Variants in ZFY observed in about 807,000 individuals in gnomAD.
The protein encoded by ZFY is zinc finger Y-chromosomal protein.
For missense variants in ZFY, 113 were observed against 170.9 expected, an observed-to-expected ratio of 0.66 and a Z score of 1.89; for synonymous variants, 47 against 55.8, an observed-to-expected ratio of 0.84 and a Z score of 0.71.
intron 1 of ZFY, among the ~76,000 whole-genome samples, chrY:2,946,242 G>C: frequency 3.1e-5 from 1 of 32,416 alleles, no homozygotes; most frequent in African/African-American, 1.2e-4. Context: ...GAGCCACCCT[G>C]GCTGGCCACA....
intron 2 of ZFY, 135 bp downstream of exon 2, chrY:2,954,132 A>C: frequency 8.9e-6 from 1 of 112,008 alleles, no homozygotes; most frequent in African/African-American, 9.6e-5. Context: ...TCTCATAGCC[A>C]ACTCATAATC....
chrY:2,976,936 G>A (rs2051375119), intron 6 of ZFY, 114 bp downstream of exon 6: 1 of 162,383 alleles, frequency 6.2e-6, no homozygotes, highest in African/African-American at 9.4e-5. Context: ...CAGCACTTTG[G>A]GAGGCTGAGG....
chrY:2,939,498 C>A (rs747477477), intron 1 of ZFY, among the ~76,000 whole-genome samples: 2 of 33,620 alleles, frequency 5.9e-5, no homozygotes, highest in Admixed American at 5.5e-4. Flanking sequence ...TTCAGAAACT[C>A]TCTGTGCTTT....
At chrY:2,978,195 C>G in intron 7 of ZFY, 115 bp downstream of exon 7, 1 of 196,313 alleles carries the variant, frequency 5.1e-6, no homozygotes, top group Admixed American at 1.4e-4. Context: ...GAATGGTTTT[C>G]TTGGATAAGA....
rs760385580 is a variant in ZFY at position 2,982,043 on chromosome Y, C to T, written c.*2050C>T. 3 of 33,759 alleles carry T rather than the reference C, an allele frequency of 8.9e-5. No individual in the cohort carries two copies. The East Asian group carries it at 2.3e-3, about 25-fold the overall frequency. 8.4% of individuals were successfully genotyped at this position (33,759 alleles called of 400,897 possible). Reference sequence around the variant, plus strand: ...TTTAAAAATAAACTAAGGTAAAAAACGTGACACTTTACATATTTCATATTT... The same window carrying T: ...TTTAAAAATAAACTAAGGTAAAAAATGTGACACTTTACATATTTCATATTT... On this transcript the variant is annotated 3_prime_UTR_variant, in exon 8 of 8. Transcript: ENST00000155093.
At chrY:2,965,502 A>T in intron 3 of ZFY, among the ~76,000 whole-genome samples, 1 of 32,540 alleles carries the variant, frequency 3.1e-5, no homozygotes, top group Admixed American at 2.8e-4. Flanking sequence ...TAGTATGATC[A>T]GCCTTCTCCT....
chrY:2,953,552 G>A (rs2051284727), intron 1 of ZFY, among the ~76,000 whole-genome samples: 1 of 33,713 alleles, frequency 3.0e-5, no homozygotes, highest in Non-Finnish European at 7.4e-5. Context: ...GATGATAATT[G>A]AACTTTTTAA....
chrY:2,981,488 G>A lies in ZFY; in HGVS notation c.*1495G>A, dbSNP rs753388682. The A allele has an allele frequency of 2.1e-4, 7 of 32,990 alleles. No homozygotes were observed. Among genetic ancestry groups the A allele is most frequent in the African/African-American group, 8.2e-4 (7 of 8,561 alleles). The allele number at this position is 32,990 out of a possible 400,897, so 8.2% of individuals were successfully genotyped here. On this transcript the variant is annotated 3_prime_UTR_variant, in exon 8 of 8. Coordinates refer to ENST00000155093, the MANE Select transcript of ZFY (RefSeq NM_003411.4). Reference sequence around the variant, plus strand: ...TTGGAGAATGGAAAATACATTTTTAGGTTCCTTAATTTGGCTGTTGGTACC... The same window carrying A: ...TTGGAGAATGGAAAATACATTTTTAAGTTCCTTAATTTGGCTGTTGGTACC...
chrY:2,980,893 A>G lies in ZFY; in HGVS notation c.*900A>G, dbSNP rs2051397859. On this transcript the variant is annotated 3_prime_UTR_variant, in exon 8 of 8. Coordinates refer to ENST00000155093, the MANE Select transcript of ZFY (RefSeq NM_003411.4). The stretch of plus-strand genomic sequence containing the variant: ...AATAACCTGAAAGATCCAGAGATGT[A>G]TGAGAGCATTTTGTAACTTGTTATT... The G allele has an allele frequency of 1.5e-4, 5 of 33,689 alleles. No individual in the cohort carries two copies. Among genetic ancestry groups the G allele is most frequent in the African/African-American group, 5.8e-4 (5 of 8,685 alleles). 8.4% of individuals were successfully genotyped at this position (33,689 alleles called of 400,897 possible). A position where few individuals can be genotyped will look rare whatever the true frequency, so the allele number is the denominator to read the frequency against.
chrY:2,974,887 G>A, intron 3 of ZFY, among the ~76,000 whole-genome samples: 1 of 33,904 alleles, frequency 2.9e-5, no homozygotes, highest in African/African-American at 1.2e-4. Context: ...GGAGGTCAAA[G>A]GTGCAGTGAA....
At chrY:2,970,307 A>G (rs2124511595) in intron 3 of ZFY, among the ~76,000 whole-genome samples, 1 of 32,691 alleles carries the variant, frequency 3.1e-5, no homozygotes, top group Non-Finnish European at 7.5e-5. Flanking sequence ...AAGACAGAAA[A>G]TTGATACCAA....
intron 1 of ZFY, among the ~76,000 whole-genome samples, chrY:2,939,673 T>C (rs2051235692): frequency 3.0e-5 from 1 of 33,861 alleles, no homozygotes; most frequent in Non-Finnish European, 7.3e-5. Flanking sequence ...CATCCTGATC[T>C]CTTATTAACA....
chrY:2,978,128 A>G (rs748035882), intron 7 of ZFY, 48 bp downstream of exon 7: 2 of 337,362 alleles, frequency 5.9e-6, no homozygotes, highest in Non-Finnish European at 8.1e-6. Flanking sequence ...AGTAGGCCAC[A>G]TGTATTTTTA....
intron 2 of ZFY, among the ~76,000 whole-genome samples, chrY:2,955,931 T>C: frequency 3.1e-5 from 1 of 32,652 alleles, no homozygotes; most frequent in Non-Finnish European, 7.6e-5. Context: ...GGCCTTTTGA[T>C]CTTTCCCTTT....
intron 1 of ZFY, among the ~76,000 whole-genome samples, chrY:2,939,015 ATATATAT>A (rs2051230712): frequency 1.5e-4 from 3 of 20,015 alleles, no homozygotes; most frequent in Admixed American, 4.3e-4. Context: ...ATATATATAT[ATATATAT>A]AAATAAATAA....
chrY:2,952,784 C>T (rs2051282894), intron 1 of ZFY, among the ~76,000 whole-genome samples: 1 of 32,622 alleles, frequency 3.1e-5, no homozygotes, highest in African/African-American at 1.2e-4. Context: ...ATTACTTGAG[C>T]CTAGGAGTTG....
chrY:2,974,100 G>GT (rs2051357388), intron 3 of ZFY, among the ~76,000 whole-genome samples: 2 of 31,339 alleles, frequency 6.4e-5, no homozygotes, highest in Non-Finnish European at 1.5e-4. Flanking sequence ...TGTGTGTGTG[G>GT]TTTTTTTTAA....
At chrY:2,942,318 A>C (rs2051245112) in intron 1 of ZFY, among the ~76,000 whole-genome samples, 1 of 20,374 alleles carries the variant, frequency 4.9e-5, no homozygotes. Context: ...ACAAATTTGC[A>C]ATTTGCATTT....
At chrY:2,977,456 C>T in intron 6 of ZFY, among the ~76,000 whole-genome samples, 2 of 32,289 alleles carry the variant, frequency 6.2e-5, no homozygotes, top group Admixed American at 2.9e-4. Flanking sequence ...TTCCCCTGGT[C>T]TTGCCATATA....
Sources: gnomAD v4.1 joint callset for allele counts (sites outside exome capture counted in the v4.1 genomes callset) on GRCh38, gnomAD v4.1.1 for gene constraint, MANE v1.5 for transcripts, NCBI Gene and HGNC (gene_info 2026-07-23, HGNC 2026-07-21) for gene names.